MAP2K5: variants seen among roughly 807,000 people sequenced by gnomAD.
The protein encoded by MAP2K5 is dual specificity mitogen-activated protein kinase kinase 5.
A neutral mutation model predicts 83.1 loss-of-function variants in MAP2K5; 49 were observed. The observed-to-expected ratio is 0.59, with a 90% confidence interval of 0.47 to 0.75. The LOEUF is 0.75. Among genes scored for constraint, MAP2K5 ranks in the 30% least tolerant of loss-of-function variants. The pLI, the probability that MAP2K5 is intolerant of heterozygous loss-of-function variation, is 0.00. For missense variants in MAP2K5, 457 were observed against 557.5 expected (o/e 0.82, Z 1.82); for synonymous variants, 202 against 191.8 (o/e 1.05, Z -0.44).
intron 8 of MAP2K5, among the ~76,000 whole-genome samples, chr15:67,608,462 G>A (rs916283880): frequency 3.9e-5 from 6 of 152,194 alleles, no homozygotes; most frequent in Admixed American, 2.0e-4. Flanking sequence ...GGATAGATGA[G>A]GAAGTTCTGT....
rs538503095 is a variant in MAP2K5, at chr15:67,559,397, C to T, written c.185-3886C>T. Among the ~76,000 whole-genome samples the T allele has an allele frequency of 4.6e-5, 7 of 152,284 alleles. No individual in the cohort carries two copies. Among genetic ancestry groups the T allele is most frequent in the Admixed American group, 1.3e-4 (2 of 15,298 alleles). On this transcript the variant is annotated intron_variant, in intron 2 of 21. Coordinates refer to ENST00000178640, the MANE Select transcript of MAP2K5 (RefSeq NM_145160.3). The surrounding 1 kb of genome is among the most constrained non-coding windows in gnomAD (Gnocchi z 4.7). Reference sequence around the variant, plus strand: ...TTACTCAGTAGGCCATTGTGACCGCCCCTTACCTGAGGCTGCTTCTCCTCT... The same window carrying T: ...TTACTCAGTAGGCCATTGTGACCGCTCCTTACCTGAGGCTGCTTCTCCTCT...
Position 67,640,946 on chromosome 15 carries a change from A to G in MAP2K5, c.586-5285A>G, listed in dbSNP as rs1476358376. Among the ~76,000 whole-genome samples, 2 of 152,260 alleles carry G rather than the reference A, an allele frequency of 1.3e-5. No individual in the cohort carries two copies. The highest frequency in any genetic ancestry group is 2.4e-5 in the African/African-American group (1 of 41,478). On this transcript the variant is annotated intron_variant, in intron 9 of 21. Coordinates refer to ENST00000178640, the MANE Select transcript of MAP2K5 (RefSeq NM_145160.3). This position sits in a 1 kb window ranked among gnomAD's most constrained non-coding sequence, Gnocchi z 4.6. ...ATCACATTTTAAAGATAACTATTTCATAATGACCATGTGTAATTCATGAAA... is the reference window on the plus strand; with the variant it reads ...ATCACATTTTAAAGATAACTATTTCGTAATGACCATGTGTAATTCATGAAA...
At chr15:67,616,613 G>A (rs1220319461) in intron 8 of MAP2K5, among the ~76,000 whole-genome samples, 1 of 152,158 alleles carries the variant, frequency 6.6e-6, no homozygotes, top group African/African-American at 2.4e-5. Flanking sequence ...TCTCTGCAAT[G>A]AGCTAATAAC....
chr15:67,575,730 A>G (rs2085041595), intron 3 of MAP2K5, among the ~76,000 whole-genome samples: 1 of 152,078 alleles, frequency 6.6e-6, no homozygotes, highest in Non-Finnish European at 1.5e-5. Context: ...TCATCTGTTA[A>G]ATAGAGGTGA....
chr15:67,806,873 C>A lies in MAP2K5; in HGVS notation c.*123C>A, dbSNP rs769225420. 8 of 1,595,108 alleles carry A rather than the reference C, an allele frequency of 5.0e-6. No homozygotes were observed. The highest frequency in any genetic ancestry group is 6.8e-6 in the Non-Finnish European group (8 of 1,178,386). ...CTGGGCCCTGGCTTCCCTGCCCTCGCCTTCACCTCTGTCAGCAGGTGGCCT... is the reference window on the plus strand; with the variant it reads ...CTGGGCCCTGGCTTCCCTGCCCTCGACTTCACCTCTGTCAGCAGGTGGCCT... On this transcript the variant is annotated 3_prime_UTR_variant, in exon 22 of 22. Coordinates refer to ENST00000178640, the MANE Select transcript of MAP2K5 (RefSeq NM_145160.3).
chr15:67,753,655 T>C (rs1250152403), intron 19 of MAP2K5, among the ~76,000 whole-genome samples: 1 of 151,574 alleles, frequency 6.6e-6, no homozygotes, highest in Non-Finnish European at 1.5e-5. Flanking sequence ...TCATGCCCAC[T>C]AGGATGGCTG....
intron 2 of MAP2K5, among the ~76,000 whole-genome samples, chr15:67,560,111 A>G (rs1319441694): frequency 1.3e-5 from 2 of 152,246 alleles, no homozygotes; most frequent in Non-Finnish European, 2.9e-5. Flanking sequence ...GGCTACTGTC[A>G]TAGTAATTTG....
In MAP2K5 at chr15:67,747,502, G is replaced by A. The variant is rs1236425288; in HGVS notation, c.1075-729G>A. 4.6e-5 allele frequency among the ~76,000 whole-genome samples: 7 copies of A among 152,122 alleles called. No individual in the cohort carries two copies. Among genetic ancestry groups the A allele is most frequent in the Admixed American group, 2.0e-4 (3 of 15,260 alleles). ...GATGTTTTATTAATTTTTATGTCACGTTTTAGTAGCTTTGTAAGAAATGCA... is the reference window on the plus strand; with the variant it reads ...GATGTTTTATTAATTTTTATGTCACATTTTAGTAGCTTTGTAAGAAATGCA... On this transcript the variant is annotated intron_variant, in intron 17 of 21. Transcript: ENST00000178640. The surrounding 1 kb of genome is among the most constrained non-coding windows in gnomAD (Gnocchi z 4.1).
At chr15:67,661,453 G>C (rs530883433) in intron 12 of MAP2K5, among the ~76,000 whole-genome samples, 7 of 152,076 alleles carry the variant, frequency 4.6e-5, no homozygotes, top group Non-Finnish European at 8.8e-5. Flanking sequence ...TCAAGGCTTT[G>C]TCAAGTCATC....
chr15:67,701,664 G>T (rs562581286), intron 15 of MAP2K5, among the ~76,000 whole-genome samples: 1 of 152,128 alleles, frequency 6.6e-6, no homozygotes, highest in African/African-American at 2.4e-5. Flanking sequence ...GGAGCTAAGT[G>T]TACCAAAGAA....
intron 13 of MAP2K5, among the ~76,000 whole-genome samples, chr15:67,689,244 A>G (rs1029440483): frequency 2.6e-5 from 4 of 152,204 alleles, no homozygotes; most frequent in Non-Finnish European, 5.9e-5. Flanking sequence ...ACATGCATAC[A>G]TACATTACAT....
At chr15:67,570,680 A>G (rs969087101) in intron 3 of MAP2K5, among the ~76,000 whole-genome samples, 1 of 152,232 alleles carries the variant, frequency 6.6e-6, no homozygotes, top group Admixed American at 6.5e-5. Flanking sequence ...GAGTAGCGTT[A>G]TAATTGAATT....
rs1753499930 is a variant in MAP2K5 at position 67,703,355 on chromosome 15, G to A, written c.991G>A (p.Glu331Lys). ...CTTGCAGCCTGAAAGGATTTCAGGG[G>A]AGCAGTATGGAATTCATTCTGATGT... is the stretch of plus-strand genomic sequence containing the variant. ...AYMAPERISG[E>K]QYGIHSDVWS... The change falls in exon 16 of 22, where the codon GAG (glutamate) becomes AAG (lysine). Residue 331 changes from glutamate (E) to lysine (K), a missense_variant. By Grantham distance (56) the Glu-to-Lys change is moderately conservative (BLOSUM62 1). Transcript: ENST00000178640. 2 of 1,613,444 alleles carry A rather than the reference G, an allele frequency of 1.2e-6. No homozygotes were observed. The highest frequency in any genetic ancestry group is 1.3e-5 in the African/African-American group (1 of 74,898).
chr15:67,650,664 C>T (rs1007353945), intron 11 of MAP2K5, among the ~76,000 whole-genome samples: 6 of 151,918 alleles, frequency 3.9e-5, no homozygotes, highest in African/African-American at 1.5e-4. Context: ...ACCAGTCTTG[C>T]AGTGTTGGAA....
chr15:67,627,149 A>C (rs923442345), intron 8 of MAP2K5, among the ~76,000 whole-genome samples: 4 of 152,058 alleles, frequency 2.6e-5, no homozygotes, highest in African/African-American at 7.2e-5. Context: ...GTGTCTCCCT[A>C]TGTTGCCCAG....
chr15:67,711,673 A>G (rs997114102), intron 16 of MAP2K5, among the ~76,000 whole-genome samples: 12 of 4,296 alleles, frequency 2.8e-3, no homozygotes, highest in African/African-American at 7.0e-3. Context: ...GCGTGCACGC[A>G]CACACACACA....
rs1398530894 is a variant in MAP2K5, at chr15:67,636,972, T to C, written c.585+6045T>C. ...AAAGCAGGCAGAAGTTGGAAGGACT[T>C]GACTTGCTGAGTCTTCCCGCCTTCA... is the stretch of plus-strand genomic sequence containing the variant. On this transcript the variant is annotated intron_variant, in intron 9 of 21. Transcript: ENST00000178640. The surrounding 1 kb of genome is among the most constrained non-coding windows in gnomAD (Gnocchi z 4.7). Among the ~76,000 whole-genome samples the C allele has an allele frequency of 6.6e-6, 1 of 152,210 alleles. No homozygotes were observed. The highest frequency in any genetic ancestry group is 1.5e-5 in the Non-Finnish European group (1 of 68,040).
intron 13 of MAP2K5, among the ~76,000 whole-genome samples, chr15:67,682,031 A>G (rs571363170): frequency 1.7e-4 from 26 of 152,356 alleles, no homozygotes; most frequent in African/African-American, 5.5e-4. Flanking sequence ...AGTGAACTGA[A>G]TGAAAAGCTG....
chr15:67,767,110 G>A (rs910840488), intron 19 of MAP2K5, among the ~76,000 whole-genome samples: 7 of 152,024 alleles, frequency 4.6e-5, no homozygotes, highest in African/African-American at 1.7e-4. Flanking sequence ...TTATTCATGG[G>A]TACCACCCAG....
Sources: gnomAD v4.1 joint callset for allele counts (sites outside exome capture counted in the v4.1 genomes callset) on GRCh38, gnomAD v4.1.1 for gene constraint, Gnocchi (gnomAD v3.1) non-coding constraint, MANE v1.5 for transcripts, NCBI Gene and HGNC (gene_info 2026-07-23, HGNC 2026-07-21) for gene names.